EFHC2: variants seen among roughly 807,000 people sequenced by gnomAD.
The protein encoded by EFHC2 is EF-hand domain-containing family member C2.
Under a neutral mutation model 52.7 loss-of-function variants are expected in EFHC2, and 18 were observed. The observed-to-expected ratio is 0.34, with a 90% CI of 0.24 to 0.51. The LOEUF (loss-of-function observed/expected upper bound fraction) is 0.51, where lower values mean the gene tolerates loss of function less well. EFHC2 is among the 20% of genes least tolerant of loss of function. The pLI, the probability that EFHC2 is intolerant of heterozygous loss-of-function variation, is 0.97. For synonymous variants in EFHC2, 203 were observed against 204.1 expected, an observed-to-expected ratio of 0.99 and a Z score of 0.04; for missense variants, 513 against 562.5, an observed-to-expected ratio of 0.91 and a Z score of 0.89.
chrX:44,249,370 T>C (rs1466083358), intron 5 of EFHC2, among the ~76,000 whole-genome samples: 3 of 111,584 alleles, frequency 2.7e-5, no homozygotes, highest in African/African-American at 9.8e-5. Context: ...AAATATAACA[T>C]AGAGCTTTTG....
intron 11 of EFHC2, among the ~76,000 whole-genome samples, chrX:44,191,647 T>C (rs1002671210): frequency 2.7e-5 from 3 of 112,163 alleles, no homozygotes; most frequent in African/African-American, 9.7e-5. Context: ...AACAGAAATA[T>C]GCTATAGGAA....
intron 2 of EFHC2, among the ~76,000 whole-genome samples, chrX:44,307,133 G>A (rs964577508): frequency 7.2e-5 from 8 of 111,023 alleles, no homozygotes; most frequent in African/African-American, 2.6e-4. Flanking sequence ...ACAGGTGTGA[G>A]CTGTTTGTCA....
chrX:44,183,126 TA>T (rs984248098), intron 11 of EFHC2, among the ~76,000 whole-genome samples: 4 of 110,371 alleles, frequency 3.6e-5, no homozygotes, highest in East Asian at 2.8e-4. Context: ...TCAAATAAAC[TA>T]AAAAAAAATT....
intron 2 of EFHC2, among the ~76,000 whole-genome samples, chrX:44,300,881 C>T (rs1263193338): frequency 9.1e-6 from 1 of 109,856 alleles, no homozygotes; most frequent in East Asian, 2.9e-4. Context: ...GAGGTCAAGG[C>T]GGGCAGATCA....
intron 14 of EFHC2, among the ~76,000 whole-genome samples, chrX:44,152,127 T>C (rs1243077978): frequency 8.9e-6 from 1 of 112,028 alleles, no homozygotes; most frequent in Non-Finnish European, 1.9e-5. Flanking sequence ...TGTAATTACC[T>C]AGTAGTAATA....
chrX:44,182,961 C>T (rs1030733899), intron 11 of EFHC2, among the ~76,000 whole-genome samples: 25 of 111,259 alleles, frequency 2.2e-4, no homozygotes, highest in African/African-American at 6.9e-4. Flanking sequence ...GAGAATTCTA[C>T]GCAGAATTCT....
chrX:44,249,372 G>C (rs2037424811), intron 5 of EFHC2, among the ~76,000 whole-genome samples: 1 of 111,088 alleles, frequency 9.0e-6, no homozygotes, highest in African/African-American at 3.3e-5. Flanking sequence ...ATATAACATA[G>C]AGCTTTTGAA....
At position 44,235,373 on chromosome X, in the gene EFHC2, A is replaced by T; in HGVS notation, c.1355T>A (p.Met452Lys). 1 of 1,193,883 alleles carries T rather than the reference A, an allele frequency of 8.4e-7. No homozygotes were observed. The highest frequency in any genetic ancestry group is 1.1e-6 in the Non-Finnish European group (1 of 885,811). Reference sequence around the variant, plus strand: ...ACCGAGATAATATGAAATAACAAACATCCTGTCCAAGTCAACACATTTGTC... The same window carrying T: ...ACCGAGATAATATGAAATAACAAACTTCCTGTCCAAGTCAACACATTTGTC... ...VTDKCVDLDR[M>K]FVISYYLGDD... The change falls in exon 9 of 15, where the codon ATG (methionine) becomes AAG (lysine). Residue 452 changes from methionine (M) to lysine (K), a missense_variant. Met to Lys is a moderately conservative substitution (Grantham distance 95, BLOSUM62 -1). Coordinates refer to ENST00000420999, the MANE Select transcript of EFHC2 (RefSeq NM_025184.4).
At chrX:44,177,701 T>C (rs1158138330) in intron 12 of EFHC2, among the ~76,000 whole-genome samples, 1 of 111,611 alleles carries the variant, frequency 9.0e-6, no homozygotes. Context: ...TTCTACAGAA[T>C]GTTTGCTTGA....
intron 11 of EFHC2, among the ~76,000 whole-genome samples, chrX:44,208,994 G>A (rs1169314823): frequency 1.9e-5 from 2 of 106,248 alleles, no homozygotes; most frequent in African/African-American, 6.8e-5. Context: ...GACAGACAAT[G>A]CATGATACTG....
chrX:44,219,846 C>T (rs1461153995), intron 11 of EFHC2, among the ~76,000 whole-genome samples: 2 of 111,079 alleles, frequency 1.8e-5, no homozygotes, highest in Admixed American at 1.9e-4. Flanking sequence ...GCAACCTGTG[C>T]GCTACTCTAT....
intron 8 of EFHC2, among the ~76,000 whole-genome samples, chrX:44,239,917 C>A (rs918656986): frequency 6.3e-5 from 7 of 111,429 alleles, no homozygotes; most frequent in African/African-American, 1.6e-4. Context: ...GTGATATCTA[C>A]CCAGATAATA....
chrX:44,243,293 T>C (rs2037374287), intron 7 of EFHC2, among the ~76,000 whole-genome samples: 1 of 112,311 alleles, frequency 8.9e-6, no homozygotes, highest in Non-Finnish European at 1.9e-5. Flanking sequence ...GAATCTATTT[T>C]CTACTTCTTC....
intron 13 of EFHC2, among the ~76,000 whole-genome samples, chrX:44,171,389 T>C (rs2036744379): frequency 9.0e-6 from 1 of 111,558 alleles, no homozygotes; most frequent in African/African-American, 3.3e-5. Context: ...GGAGCCTTCT[T>C]CTCCTCTATT....
rs1306879012 is a variant in EFHC2, at chrX:44,316,330, T to C, written c.43-3574A>G. Among the ~76,000 whole-genome samples, 24 of 111,887 alleles carry C rather than the reference T, an allele frequency of 2.1e-4. No homozygotes were observed. In the Admixed American group the frequency reaches 2.3e-3, roughly 11 times the overall value. ...TACATAGTCATCCCTTCTACAAACA[T>C]CTGGTGAGCATCCATTGGGTGCTAA... is the stretch of plus-strand genomic sequence containing the variant. On this transcript the variant is annotated intron_variant, in intron 1 of 14. Transcript: ENST00000420999.
At chrX:44,310,900 T>C (rs1198088213) in intron 2 of EFHC2, among the ~76,000 whole-genome samples, 2 of 112,184 alleles carry the variant, frequency 1.8e-5, no homozygotes, top group East Asian at 5.6e-4. Flanking sequence ...ACATATTAAA[T>C]ATTGAGAAAA....
At chrX:44,331,973 G>A (rs2038089531) in intron 1 of EFHC2, among the ~76,000 whole-genome samples, 1 of 110,111 alleles carries the variant, frequency 9.1e-6, no homozygotes, top group East Asian at 2.9e-4. Flanking sequence ...GGCAAATGGG[G>A]TGAGGGGTAA....
At chrX:44,151,609 CA>C (rs776631519) in intron 14 of EFHC2, among the ~76,000 whole-genome samples, 5 of 111,505 alleles carry the variant, frequency 4.5e-5, no homozygotes, top group Admixed American at 1.9e-4. Context: ...ATAAAGTCAC[CA>C]ATCAATGCAT....
At chrX:44,328,951 G>A (rs998476269) in intron 1 of EFHC2, among the ~76,000 whole-genome samples, 1 of 111,562 alleles carries the variant, frequency 9.0e-6, no homozygotes, top group Non-Finnish European at 1.9e-5. Context: ...CCCGGACTGT[G>A]GAGTGTACTT....
Sources: gnomAD v4.1 joint callset for allele counts (sites outside exome capture counted in the v4.1 genomes callset) on GRCh38, gnomAD v4.1.1 for gene constraint, MANE v1.5 for transcripts, NCBI Gene and HGNC (gene_info 2026-07-23, HGNC 2026-07-21) for gene names.